The following PAMR1 variants were observed in gnomAD, a reference collection of about 807,000 sequenced individuals.
PAMR1 encodes the protein inactive serine protease PAMR1.
A neutral mutation model predicts 81.8 loss-of-function variants in PAMR1; 88 were observed. That is an observed-to-expected ratio of 1.08 (90% CI 0.91 to 1.28). The LOEUF (loss-of-function observed/expected upper bound fraction) is 1.28, where lower values mean the gene tolerates loss of function less well. Ranked by LOEUF, PAMR1 falls within the 50% of genes most tolerant of loss-of-function variation. PAMR1 has a pLI of 0.00. For missense variants in PAMR1, 935 were observed against 919.7 expected (o/e 1.02, Z -0.21); for synonymous variants, 336 against 345.3 (o/e 0.97, Z 0.30).
chr11:35,527,219 A>G (rs1851408727), upstream of PAMR1, among the ~76,000 whole-genome samples: 1 of 152,152 alleles, frequency 6.6e-6, no homozygotes, highest in South Asian at 2.1e-4. Context: ...TTGATTCACC[A>G]CTTTCTGGCT....
chr11:35,504,913 T>A (rs1428286470), intron 1 of PAMR1, among the ~76,000 whole-genome samples: 1 of 152,004 alleles, frequency 6.6e-6, no homozygotes, highest in Non-Finnish European at 1.5e-5. Flanking sequence ...CTTTGGGTTT[T>A]TTTGTTGTTC....
At chr11:35,517,041 T>C (rs1262620798) in intron 1 of PAMR1, among the ~76,000 whole-genome samples, 1 of 152,142 alleles carries the variant, frequency 6.6e-6, no homozygotes, top group Admixed American at 6.5e-5. Context: ...CTCTGTAGAC[T>C]GACGATAATT....
chr11:35,475,036 C>T (rs1345294177), intron 3 of PAMR1, among the ~76,000 whole-genome samples: 2 of 152,138 alleles, frequency 1.3e-5, no homozygotes, highest in South Asian at 2.1e-4. Flanking sequence ...CTTGTCTAGC[C>T]GCTAAGTGAC....
rs1421578431 is a variant in PAMR1, at chr11:35,468,084, T to A, written c.737A>T (p.His246Leu). Residue 246 changes from histidine to leucine, a missense_variant, in exon 6 of 11, where the codon CAT (histidine) becomes CTT (leucine). Transcript: ENST00000619888. ...CTTGTCAAGGACGCACGTGCCGTCA[T>A]GGAAACAAGGGGATGAGGAGCATGC... ...ITACSSSPCF[H>L]DGTCVLDKAG... 1.3e-6 allele frequency: 2 copies of A among 1,554,434 alleles called. No homozygotes were observed. Among genetic ancestry groups the A allele is most frequent in the East Asian group, 2.4e-5 (1 of 41,522 alleles).
chr11:35,508,803 T>C (rs1851023411), intron 1 of PAMR1, among the ~76,000 whole-genome samples: 1 of 152,122 alleles, frequency 6.6e-6, no homozygotes, highest in African/African-American at 2.4e-5. Flanking sequence ...CATGGAGTGT[T>C]TGGTTTTCTG....
intron 6 of PAMR1, among the ~76,000 whole-genome samples, chr11:35,447,068 C>A (rs1188924366): frequency 6.6e-6 from 1 of 152,072 alleles, no homozygotes; most frequent in African/African-American, 2.4e-5. Context: ...CTTAATTGAA[C>A]CCTTTATGAT....
chr11:35,511,876 G>C (rs1167584664), intron 1 of PAMR1, among the ~76,000 whole-genome samples: 1 of 152,184 alleles, frequency 6.6e-6, no homozygotes, highest in African/African-American at 2.4e-5. Flanking sequence ...GGAATGATGA[G>C]ACTGTGAGTC....
chr11:35,506,412 T>A (rs1212449297), intron 1 of PAMR1, among the ~76,000 whole-genome samples: 2 of 85,350 alleles, frequency 2.3e-5, no homozygotes, highest in Admixed American at 2.6e-4. Context: ...TGCATGTTAG[T>A]GTTTTTTTTT....
chr11:35,517,106 C>G (rs1165850210), intron 1 of PAMR1, among the ~76,000 whole-genome samples: 1 of 152,140 alleles, frequency 6.6e-6, no homozygotes. Flanking sequence ...TTCTCACTCC[C>G]CCAGACTGCC....
chr11:35,512,817 A>T (rs1851097047), intron 1 of PAMR1, among the ~76,000 whole-genome samples: 1 of 151,992 alleles, frequency 6.6e-6, no homozygotes, highest in South Asian at 2.1e-4. Context: ...GCACAGCGAG[A>T]CCCCATCTTT....
intron 1 of PAMR1, among the ~76,000 whole-genome samples, chr11:35,513,773 A>C (rs1279259655): frequency 6.6e-6 from 1 of 152,164 alleles, no homozygotes; most frequent in Non-Finnish European, 1.5e-5. Context: ...TGCTTGCTTA[A>C]AAGTCTTATT....
At chr11:35,482,384 C>T (rs1374456768) in intron 3 of PAMR1, among the ~76,000 whole-genome samples, 2 of 152,142 alleles carry the variant, frequency 1.3e-5, no homozygotes, top group Non-Finnish European at 2.9e-5. Flanking sequence ...TGTTCTGTTC[C>T]GTTGGTCTGT....
At chr11:35,457,203 C>T (rs749005202) in intron 6 of PAMR1, among the ~76,000 whole-genome samples, 1 of 152,130 alleles carries the variant, frequency 6.6e-6, no homozygotes, top group Non-Finnish European at 1.5e-5. Context: ...AAAAGGATTG[C>T]TCTCCCCCAG....
chr11:35,454,690 A>C (rs1010094390), intron 6 of PAMR1, among the ~76,000 whole-genome samples: 27 of 152,152 alleles, frequency 1.8e-4, no homozygotes, highest in African/African-American at 6.5e-4. Context: ...ATGATATCAC[A>C]AAGAGGTAGC....
intron 1 of PAMR1, among the ~76,000 whole-genome samples, chr11:35,518,319 C>T (rs1851207104): frequency 6.6e-6 from 1 of 151,892 alleles, no homozygotes; most frequent in Admixed American, 6.6e-5. Context: ...TGTCTTAGGA[C>T]ATTTCAGGTG....
chr11:35,448,501 T>C (rs927091658), intron 6 of PAMR1, among the ~76,000 whole-genome samples: 2 of 152,230 alleles, frequency 1.3e-5, no homozygotes, highest in Non-Finnish European at 2.9e-5. Flanking sequence ...GTCATTTATG[T>C]TCCTCTCTAG....
intron 3 of PAMR1, among the ~76,000 whole-genome samples, 171 bp downstream of exon 3, chr11:35,491,874 C>T (rs1303441010): frequency 2.0e-5 from 3 of 152,170 alleles, no homozygotes; most frequent in Non-Finnish European, 2.9e-5. Context: ...TGTTCACAAT[C>T]CACACCTTGC....
intron 4 of PAMR1, among the ~76,000 whole-genome samples, chr11:35,471,866 C>T (rs1850194474): frequency 6.6e-6 from 1 of 152,182 alleles, no homozygotes; most frequent in Non-Finnish European, 1.5e-5. Context: ...CCTTCTCCTC[C>T]ACACTCTGGA....
chr11:35,460,399 A>G (rs1421029896), intron 6 of PAMR1, among the ~76,000 whole-genome samples: 2 of 151,490 alleles, frequency 1.3e-5, no homozygotes, highest in Non-Finnish European at 2.9e-5. Context: ...ATATGTATAC[A>G]TGTGCCATGT....
Sources: gnomAD v4.1 joint callset for allele counts (sites outside exome capture counted in the v4.1 genomes callset) on GRCh38, gnomAD v4.1.1 for gene constraint, MANE v1.5 for transcripts, NCBI Gene and HGNC (gene_info 2026-07-23, HGNC 2026-07-21) for gene names.